Variants in DMD observed in about 807,000 individuals in gnomAD.
DMD encodes dystrophin.
In DMD, 63 loss-of-function variants were observed where a neutral mutation model predicts 330.1. The observed-to-expected ratio is 0.19, with a 90% CI of 0.16 to 0.24. The LOEUF (loss-of-function observed/expected upper bound fraction) is 0.24, where lower values mean the gene tolerates loss of function less well. Ranked by LOEUF, DMD falls within the 10% of genes least tolerant of loss-of-function variation. DMD has a pLI of 1.00. For missense variants in DMD, 3,344 were observed against 2,684.1 expected (o/e 1.25, Z -5.43); for synonymous variants, 1,223 against 959.8 (o/e 1.27, Z -5.07).
intron 60 of DMD, among the ~76,000 whole-genome samples, chrX:31,368,018 A>C (rs1282991853): frequency 8.9e-6 from 1 of 111,883 alleles, no homozygotes; most frequent in Non-Finnish European, 1.9e-5. Flanking sequence ...CCCACCTGTG[A>C]TTCCAGTGTC....
At chrX:33,236,912 T>C (rs1569559024) in intron 1 of DMD, among the ~76,000 whole-genome samples, 1 of 111,306 alleles carries the variant, frequency 9.0e-6, no homozygotes, top group Non-Finnish European at 1.9e-5. Context: ...TAATTATGTA[T>C]ATTTTATCAG....
At chrX:32,204,718 C>G (rs75214764) in intron 44 of DMD, among the ~76,000 whole-genome samples, 3,230 of 110,180 alleles carry the variant, frequency 0.029, 105 homozygotes, top group East Asian at 0.24. Flanking sequence ...AAGCATGTCA[C>G]TGGCATCTAC....
At chrX:32,188,219 A>T (rs1239792249) in intron 44 of DMD, among the ~76,000 whole-genome samples, 1 of 109,189 alleles carries the variant, frequency 9.2e-6, no homozygotes, top group African/African-American at 3.3e-5. Flanking sequence ...TTAGTCATAT[A>T]TTTTTGTAAA....
At position 32,125,390 on chromosome X, in the gene DMD, G is replaced by C. The variant is rs770455973; in HGVS notation, c.6438+91526C>G. On this transcript the variant is annotated intron_variant, in intron 44 of 78. Transcript: ENST00000357033. ...CTTTTGGCTTGCTTAACTGGATAGT[G>C]TCATTCACTGGGATGGAGGAACCTG... Among the ~76,000 whole-genome samples the C allele has an allele frequency of 7.1e-5, 8 of 111,939 alleles. No individual in the cohort carries two copies. In the East Asian group the frequency reaches 2.3e-3, roughly 32 times the overall value.
intron 54 of DMD, among the ~76,000 whole-genome samples, chrX:31,652,255 G>T (rs1373805071): frequency 1.8e-5 from 2 of 110,979 alleles, no homozygotes; most frequent in Admixed American, 1.9e-4. Flanking sequence ...ACATTTTCAT[G>T]GCAGCACTCC....
intron 2 of DMD, among the ~76,000 whole-genome samples, chrX:32,930,164 T>G (rs1300912982): frequency 9.0e-6 from 1 of 111,306 alleles, no homozygotes; most frequent in Non-Finnish European, 1.9e-5. Flanking sequence ...TATTTTATAA[T>G]AAAATGTTGA....
intron 55 of DMD, among the ~76,000 whole-genome samples, chrX:31,546,513 C>T (rs2074149202): frequency 8.9e-6 from 1 of 112,436 alleles, no homozygotes; most frequent in African/African-American, 3.2e-5. Flanking sequence ...ACACCACCTT[C>T]CCAAACTAAG....
chrX:33,105,034 G>A (rs926032429), intron 1 of DMD, among the ~76,000 whole-genome samples: 1 of 111,879 alleles, frequency 8.9e-6, no homozygotes, highest in Admixed American at 9.6e-5. Context: ...TTATCTTAAA[G>A]GTTTATCCAT....
chrX:32,711,910 C>A (rs922947281), intron 7 of DMD, among the ~76,000 whole-genome samples: 3 of 112,138 alleles, frequency 2.7e-5, no homozygotes, highest in Non-Finnish European at 5.6e-5. Context: ...TTACCACTCA[C>A]TGGTATTATG....
intron 1 of DMD, among the ~76,000 whole-genome samples, chrX:33,106,877 T>C (rs774032038): frequency 8.9e-6 from 1 of 112,321 alleles, no homozygotes; most frequent in Non-Finnish European, 1.9e-5. Flanking sequence ...GATATGGTTA[T>C]GTCTTCAGCC....
At chrX:31,503,622 C>G (rs1401445238) in intron 56 of DMD, among the ~76,000 whole-genome samples, 2 of 111,182 alleles carry the variant, frequency 1.8e-5, no homozygotes, top group Non-Finnish European at 3.8e-5. Flanking sequence ...TTGGGAAGAC[C>G]TAGTGAGGAA....
chrX:33,045,629 T>C (rs1192048159), intron 1 of DMD, among the ~76,000 whole-genome samples: 8 of 109,057 alleles, frequency 7.3e-5, no homozygotes. Context: ...AAGTGAGAGC[T>C]AGAAGCCGTG....
intron 48 of DMD, among the ~76,000 whole-genome samples, chrX:31,845,416 T>C (rs868702096): frequency 1.4e-4 from 13 of 89,832 alleles, no homozygotes; most frequent in African/African-American, 5.2e-4. Flanking sequence ...TCTCTCTCTC[T>C]CTCTCTCTCC....
intron 7 of DMD, among the ~76,000 whole-genome samples, chrX:32,777,706 T>C (rs2074317386): frequency 8.9e-6 from 1 of 112,474 alleles, no homozygotes; most frequent in African/African-American, 3.2e-5. Context: ...AACAAAGACA[T>C]TCTTCTGCAA....
At chrX:31,146,676 T>C (rs2036739259) in intron 75 of DMD, among the ~76,000 whole-genome samples, 1 of 112,349 alleles carries the variant, frequency 8.9e-6, no homozygotes, top group Non-Finnish European at 1.9e-5. Context: ...TTACATTAAA[T>C]AACTGGAAGA....
intron 44 of DMD, among the ~76,000 whole-genome samples, chrX:32,109,680 G>A (rs2096580647): frequency 9.1e-6 from 1 of 110,129 alleles, no homozygotes; most frequent in Non-Finnish European, 1.9e-5. Flanking sequence ...TACTTCTATT[G>A]AATTTTCCTC....
chrX:31,669,841 GA>G (rs552678406), intron 53 of DMD, among the ~76,000 whole-genome samples: 302 of 83,062 alleles, frequency 3.6e-3, no homozygotes, highest in Middle Eastern at 7.4e-3. Flanking sequence ...GTCAATTTCT[GA>G]AAAAAAAAAA....
intron 1 of DMD, among the ~76,000 whole-genome samples, chrX:33,024,588 T>C (rs2093965343): frequency 8.9e-6 from 1 of 112,391 alleles, no homozygotes; most frequent in Non-Finnish European, 1.9e-5. Flanking sequence ...GTTATTTTTA[T>C]TCAGTATATG....
chrX:32,920,879 A>G (rs2088328983), intron 2 of DMD, among the ~76,000 whole-genome samples: 1 of 112,353 alleles, frequency 8.9e-6, no homozygotes, highest in African/African-American at 3.2e-5. Flanking sequence ...TAGAGAGTCC[A>G]GGGAAGGAGA....
Sources: gnomAD v4.1 joint callset for allele counts (sites outside exome capture counted in the v4.1 genomes callset) on GRCh38, gnomAD v4.1.1 for gene constraint, MANE v1.5 for transcripts, NCBI Gene and HGNC (gene_info 2026-07-23, HGNC 2026-07-21) for gene names.